Variants in MYO7B observed in about 807,000 individuals in gnomAD.
The protein encoded by MYO7B is myosin VIIB, also known as unconventional myosin-VIIb.
Under a neutral mutation model 259.7 loss-of-function variants are expected in MYO7B, and 212 were observed. The ratio of observed to expected loss-of-function variants is 0.82; its 90% CI spans 0.73 to 0.91. The LOEUF is 0.91. Ranked by LOEUF, MYO7B falls within the 40% of genes least tolerant of loss-of-function variation. MYO7B has a pLI of 0.00. For synonymous variants in MYO7B, 1,197 were observed against 1,166.4 expected (o/e 1.03, Z -0.54); for missense variants, 2,732 against 2,813.5 (o/e 0.97, Z 0.66).
chr2:127,552,967 C>G (rs1342569199), intron 1 of MYO7B, among the ~76,000 whole-genome samples: 1 of 152,192 alleles, frequency 6.6e-6, no homozygotes, highest in African/African-American at 2.4e-5. Flanking sequence ...AACTGCATAG[C>G]CTCTGCAAAG....
Position 127,559,385 on chromosome 2 carries a change from G to C in MYO7B, c.-23-315G>C, listed in dbSNP as rs1677972645. Among the ~76,000 whole-genome samples the C allele has an allele frequency of 1.3e-5, 2 of 152,196 alleles. No homozygotes were observed. The highest frequency in any genetic ancestry group is 2.9e-5 in the Non-Finnish European group (2 of 68,030). On this transcript the variant is annotated intron_variant, in intron 1 of 47. Transcript: ENST00000409816. This position sits in a 1 kb window ranked among gnomAD's most constrained non-coding sequence, Gnocchi z 4.1. ...TTCCCAAGATGTGTGACGGTGACTG[G>C]TTTTCATGGATATCTGACCAGTTAA... is the stretch of plus-strand genomic sequence containing the variant.
chr2:127,625,204 G>A lies in MYO7B; in HGVS notation c.4048-164G>A, dbSNP rs1489080567. ...GGCCTCTGGGATTCCCAGCCTGCAT[G>A]GTGGCCCAGTCAGGGCATGCAGGGA... is the stretch of plus-strand genomic sequence containing the variant. On this transcript the variant is annotated intron_variant, in intron 30 of 47. Coordinates refer to ENST00000409816, the MANE Select transcript of MYO7B (RefSeq NM_001393586.1). Among the ~76,000 whole-genome samples, 3 of 152,216 alleles carry A rather than the reference G, an allele frequency of 2.0e-5. No homozygotes were observed. In the East Asian group the frequency reaches 5.8e-4, roughly 29 times the overall value.
intron 43 of MYO7B, chr2:127,635,499 G>C (rs1681749711): frequency 1.6e-6 from 1 of 641,748 alleles, no homozygotes; most frequent in Middle Eastern, 4.2e-4. Context: ...GTGGCCTGCA[G>C]GGCCAACCAC....
At position 127,596,455 on chromosome 2, in the gene MYO7B, G is replaced by T; in HGVS notation, c.2245-7G>T. On this transcript the variant is annotated splice_region_variant and splice_polypyrimidine_tract_variant and intron_variant, in intron 18 of 47. Transcript: ENST00000409816. The stretch of plus-strand genomic sequence containing the variant: ...GCAGCCCAGTGACGGCGTCTCTCCT[G>T]TTCCAGGATCATCAGGACACTCTGC... 1 of 1,611,428 alleles carries T rather than the reference G, an allele frequency of 6.2e-7. No homozygotes were observed. Among genetic ancestry groups the T allele is most frequent in the Non-Finnish European group, 8.5e-7 (1 of 1,178,356 alleles).
At chr2:127,626,793 AAG>A in intron 31 of MYO7B, 180 bp from the exon 32 acceptor site, 1 of 582,362 alleles carries the variant, frequency 1.7e-6, no homozygotes, top group Non-Finnish European at 3.0e-6. Flanking sequence ...AAGAAAAAAA[AAG>A]GATAGGGCTG....
At chr2:127,537,335 G>A (rs377652311) in intron 1 of MYO7B, among the ~76,000 whole-genome samples, 1 of 152,212 alleles carries the variant, frequency 6.6e-6, no homozygotes, top group African/African-American at 2.4e-5. Flanking sequence ...GGGCCTGGTG[G>A]TGTGGAACTT....
chr2:127,602,999 C>CA lies in MYO7B; in HGVS notation c.2340-2830dup, dbSNP rs1176015695. ...TAGGCGACAGAGTGAGACCTTGTCT[C>CA]AAAAAAAAAAAAAAAGTAACTCCTA... On this transcript the variant is annotated intron_variant, in intron 19 of 47. Transcript: ENST00000409816. 8.7e-3 allele frequency among the ~76,000 whole-genome samples: 1,046 copies of CA among 120,534 alleles called. 12 individuals are homozygous for CA. Among genetic ancestry groups the CA allele is most frequent in the African/African-American group, 0.025 (835 of 33,072 alleles). 79.1% of individuals were successfully genotyped at this position (120,534 alleles called of 152,430 possible).
Position 127,630,903 on chromosome 2 carries a change from C to A in MYO7B, c.4932C>A (p.Phe1644Leu). ...CCCTGGAGGAGTTCTCCTATGAGTT[C>A]TTCAGGTGCCCCCCAGCCCCGCTCC... ...LHTLEEFSYE[F>L]FRAPEKDMVS... Residue 1644 changes from phenylalanine (F) to leucine (L), a missense_variant, in exon 36 of 48, where the codon TTC becomes TTA. Physicochemically the swap from Phe to Leu is conservative, Grantham distance 22. Around this residue, in one of 3 missense-constraint regions of MYO7B, gnomAD observed 821 missense variants for 769.3 expected, o/e 1.07. Coordinates refer to ENST00000409816, the MANE Select transcript of MYO7B (RefSeq NM_001393586.1). 1 of 1,575,294 alleles carries A rather than the reference C, an allele frequency of 6.3e-7. No homozygotes were observed. Among genetic ancestry groups the A allele is most frequent in the South Asian group, 1.2e-5 (1 of 86,504 alleles).
At chr2:127,548,597 G>A (rs1693326718) in intron 1 of MYO7B, among the ~76,000 whole-genome samples, 1 of 151,654 alleles carries the variant, frequency 6.6e-6, no homozygotes, top group Non-Finnish European at 1.5e-5. Context: ...TCTATTTTTA[G>A]TAGAGACGGG....
At chr2:127,582,520 A>G in intron 12 of MYO7B, 74 bp downstream of exon 12, 1 of 1,540,796 alleles carries the variant, frequency 6.5e-7, no homozygotes, top group Non-Finnish European at 8.8e-7. Flanking sequence ...GAAGGGGGCA[A>G]GTTGGAGGGG....
chr2:127,605,940 C>A lies in MYO7B; in HGVS notation c.2424+12C>A, dbSNP rs776285174. Reference sequence around the variant, plus strand: ...GGAATTTCAAGCTGGTGAGAGAGCTCTCTGGGGCGGCTGGGCCGCGGGACC... The same window carrying A: ...GGAATTTCAAGCTGGTGAGAGAGCTATCTGGGGCGGCTGGGCCGCGGGACC... On this transcript the variant is annotated intron_variant, in intron 20 of 47. Transcript: ENST00000409816. 1.3e-6 allele frequency: 2 copies of A among 1,492,474 alleles called. No homozygotes were observed. Among genetic ancestry groups the A allele is most frequent in the African/African-American group, 2.5e-5 (1 of 40,806 alleles). 92.5% of individuals were successfully genotyped at this position (1,492,474 alleles called of 1,614,324 possible).
chr2:127,629,771 C>A lies in MYO7B; in HGVS notation c.4751C>A (p.Pro1584His), dbSNP rs771954029. 101 of 1,608,442 alleles carry A rather than the reference C, an allele frequency of 6.3e-5. 1 individual carries two copies. In the South Asian group the frequency reaches 1.0e-3, roughly 17 times the overall value. ...AGGACAGGCAAGACGGGGCTGGTGCCCATGGCCTGCCTCTACACCATCCCC... is the reference window on the plus strand; with the variant it reads ...AGGACAGGCAAGACGGGGCTGGTGCACATGGCCTGCCTCTACACCATCCCC... Reference protein sequence around the residue: ...NDRTGKTGLVPMACLYTIPTV... With the variant: ...NDRTGKTGLVHMACLYTIPTV... Residue 1584 changes from proline (P) to histidine (H), a missense_variant, in exon 35 of 48, where the codon CCC (proline) becomes CAC (histidine). Physicochemically the swap from Pro to His is moderately conservative, Grantham distance 77 (BLOSUM62 -2). This residue lies in a region of MYO7B where 821 missense variants were observed against 769.3 expected (regional missense o/e 1.07). Transcript: ENST00000409816.
Position 127,607,103 on chromosome 2 carries a change from C to G in MYO7B, c.2425-103C>G. 8.7e-7 allele frequency: 1 copy of G among 1,152,500 alleles called. No homozygotes were observed. The highest frequency in any genetic ancestry group is 1.2e-6 in the Non-Finnish European group (1 of 824,462). The allele number at this position is 1,152,500 out of a possible 1,614,324, so 71.4% of individuals were successfully genotyped here. ...GCACCGGCCCTTTGCCAAAACAAAA[C>G]TAACTGTAAATCTATCTTGCACTGC... On this transcript the variant is annotated intron_variant, in intron 20 of 47. Transcript: ENST00000409816. This position sits in a 1 kb window ranked among gnomAD's most constrained non-coding sequence, Gnocchi z 4.4.
At chr2:127,629,220 C>A (rs1428958092) in intron 34 of MYO7B, among the ~76,000 whole-genome samples, 1 of 152,182 alleles carries the variant, frequency 6.6e-6, no homozygotes, top group Non-Finnish European at 1.5e-5. Flanking sequence ...TGCCCTATCG[C>A]CCCATTCAGT....
At position 127,539,370 on chromosome 2, in the gene MYO7B, T is replaced by C. The variant is rs1228641046; in HGVS notation, c.-24+3539T>C. ...ACAAAATTTGTTCTGAACTTCCAGA[T>C]AGTCACGCACAAAACTATGCAGTAA... On this transcript the variant is annotated intron_variant, in intron 1 of 47. Transcript: ENST00000409816. The surrounding 1 kb of genome is among the most constrained non-coding windows in gnomAD (Gnocchi z 4.0). 6.6e-6 allele frequency among the ~76,000 whole-genome samples: 1 copy of C among 152,226 alleles called. No homozygotes were observed. The highest frequency in any genetic ancestry group is 1.5e-5 in the Non-Finnish European group (1 of 68,038).
At chr2:127,555,645 A>T (rs191647651) in intron 1 of MYO7B, among the ~76,000 whole-genome samples, 1 of 152,246 alleles carries the variant, frequency 6.6e-6, no homozygotes, top group East Asian at 1.9e-4. Context: ...TCTTGATTTC[A>T]TTGTTGACCC....
At position 127,584,920 on chromosome 2, in the gene MYO7B, G is replaced by T; in HGVS notation, c.1690+7G>T. ...GTGTACTACCAAGCAGAAGGTGGGT[G>T]CAGCTCTCCTCTCATGTCCCTTCCA... On this transcript the variant is annotated splice_region_variant and intron_variant, in intron 14 of 47. Transcript: ENST00000409816. This position sits in a 1 kb window ranked among gnomAD's most constrained non-coding sequence, Gnocchi z 5.8. 6.2e-7 allele frequency: 1 copy of T among 1,613,840 alleles called. No homozygotes were observed. The highest frequency in any genetic ancestry group is 8.5e-7 in the Non-Finnish European group (1 of 1,179,800).
chr2:127,582,011 G>A lies in MYO7B; in HGVS notation c.1200+1G>A. On this transcript the variant is annotated splice_donor_variant, in intron 11 of 47. Coordinates refer to ENST00000409816, the MANE Select transcript of MYO7B (RefSeq NM_001393586.1). LOFTEE classifies it high-confidence loss of function. Reference sequence around the variant, plus strand: ...TGACCGGAGGGACGCCTTTGTCAAGGTACAGAGCTGAGAGAGCAGGGCTTA... The same window carrying A: ...TGACCGGAGGGACGCCTTTGTCAAGATACAGAGCTGAGAGAGCAGGGCTTA... The A allele has an allele frequency of 6.2e-7, 1 of 1,613,718 alleles. No homozygotes were observed. The highest frequency in any genetic ancestry group is 1.1e-5 in the South Asian group (1 of 91,080).
intron 26 of MYO7B, among the ~76,000 whole-genome samples, chr2:127,618,943 C>T (rs534023549): frequency 6.6e-6 from 1 of 152,250 alleles, no homozygotes; most frequent in East Asian, 1.9e-4. Flanking sequence ...ACAGAGGAAA[C>T]ATGCAGGAGA....
Sources: allele counts gnomAD v4.1 joint callset (sites outside exome capture counted in the v4.1 genomes callset), GRCh38; gene constraint gnomAD v4.1.1; regional missense constraint gnomAD v4.1.1; non-coding constraint Gnocchi (gnomAD v3.1); transcripts MANE v1.5; gene names NCBI Gene and HGNC (gene_info 2026-07-23, HGNC 2026-07-21).